Variants in SLC6A18 observed in about 807,000 individuals in gnomAD.
The protein encoded by SLC6A18 is inactive sodium-dependent neutral amino acid transporter B(0)AT3.
A neutral mutation model predicts 62.9 loss-of-function variants in SLC6A18; 58 were observed. That is an observed-to-expected ratio of 0.92 (90% CI 0.75 to 1.15). The LOEUF is 1.15. Ranked by LOEUF, SLC6A18 falls within the 50% of genes most tolerant of loss-of-function variation. The pLI is 0.00. For synonymous variants in SLC6A18, 382 were observed against 365.8 expected, an observed-to-expected ratio of 1.04 and a Z score of -0.51; for missense variants, 793 against 836.6, an observed-to-expected ratio of 0.95 and a Z score of 0.64.
chr5:1,230,000 T>C, intron 1 of SLC6A18, among the ~76,000 whole-genome samples: 1 of 63,176 alleles, frequency 1.6e-5, no homozygotes, highest in Admixed American at 1.8e-4. Context: ...GCTATCATGG[T>C]GCAGGCTGGA....
chr5:1,234,794 A>G (rs1242668921), intron 3 of SLC6A18, among the ~76,000 whole-genome samples: 1 of 152,136 alleles, frequency 6.6e-6, no homozygotes, highest in Non-Finnish European at 1.5e-5. Context: ...TTAGAAGGAG[A>G]CCTAGAAGAA....
intron 1 of SLC6A18, among the ~76,000 whole-genome samples, chr5:1,230,849 A>C (rs569102301): frequency 3.9e-5 from 6 of 152,254 alleles, no homozygotes; most frequent in African/African-American, 1.4e-4. Flanking sequence ...GCAGGTGGGG[A>C]GGAGTCAACA....
chr5:1,243,900 T>A lies in SLC6A18; in HGVS notation c.1336+141T>A, dbSNP rs982225950. The A allele has an allele frequency of 5.6e-6, 5 of 890,344 alleles. No homozygotes were observed. The highest frequency in any genetic ancestry group is 5.1e-5 in the African/African-American group (3 of 59,176). The allele number at this position is 890,344 out of a possible 1,614,324, so 55.2% of individuals were successfully genotyped here. A position where few individuals can be genotyped will look rare whatever the true frequency, so the allele number is the denominator to read the frequency against. On this transcript the variant is annotated intron_variant, in intron 9 of 11. Coordinates refer to ENST00000324642, the MANE Select transcript of SLC6A18 (RefSeq NM_182632.3). This position sits in a 1 kb window ranked among gnomAD's most constrained non-coding sequence, Gnocchi z 6.5. The stretch of plus-strand genomic sequence containing the variant: ...TCAGGGAAAGGCTGAGCCAGGCTAC[T>A]CCTTGCTGACAGCCATCAACGGAGA...
intron 3 of SLC6A18, among the ~76,000 whole-genome samples, chr5:1,234,030 C>A (rs954922223): frequency 6.6e-6 from 1 of 152,074 alleles, no homozygotes; most frequent in South Asian, 2.1e-4. Flanking sequence ...CGTGAGCCAC[C>A]GCGCCCGGCC....
intron 1 of SLC6A18, 94 bp from the exon 2 acceptor site, chr5:1,232,125 C>T (rs7379178): frequency 0.42 from 477,430 of 1,143,148 alleles, 101,548 homozygotes; most frequent in Admixed American, 0.48. Context: ...GTCCCGTCTG[C>T]CCCTTGAAGA....
rs750090807 is a variant in SLC6A18, at chr5:1,232,328, G to A, written c.270G>A (p.Trp90Ter). 3.1e-6 allele frequency: 5 copies of A among 1,611,738 alleles called. No individual in the cohort carries two copies. The Admixed American group carries it at 8.3e-5, about 27-fold the overall frequency. The change falls in exon 2 of 12, where the codon TGG (tryptophan) becomes TGA (stop). Residue 90 changes from tryptophan to a stop codon, truncating the protein, a stop_gained. Coordinates refer to ENST00000324642, the MANE Select transcript of SLC6A18 (RefSeq NM_182632.3). LOFTEE classifies it high-confidence loss of function. ...TGCGGAAGGGCAGCGTCGGCGTGTGGACGGCCATCTCCCCGTACCTCAGTG... is the reference window on the plus strand; with the variant it reads ...TGCGGAAGGGCAGCGTCGGCGTGTGAACGGCCATCTCCCCGTACCTCAGTG... ...QRLRKGSVGV[W>*]TAISPYLSGV...
chr5:1,227,737 G>C (rs1746620197), intron 1 of SLC6A18, among the ~76,000 whole-genome samples: 2 of 152,240 alleles, frequency 1.3e-5, no homozygotes, highest in Admixed American at 1.3e-4. Context: ...AAGATTTACA[G>C]TGATTTTCTC....
intron 1 of SLC6A18, among the ~76,000 whole-genome samples, chr5:1,229,248 C>T (rs140617923): frequency 0.04 from 6,016 of 151,570 alleles, 179 homozygotes; most frequent in Non-Finnish European, 0.056. Flanking sequence ...TCTCCTCTCC[C>T]CTAAACACAG....
chr5:1,239,456 A>ATTCT lies in SLC6A18; in HGVS notation c.740_743dup (p.Gln249SerfsTer37). The ATTCT allele has an allele frequency of 6.2e-7, 1 of 1,613,668 alleles. No individual in the cohort carries two copies. The highest frequency in any genetic ancestry group is 8.5e-7 in the Non-Finnish European group (1 of 1,179,630). ...TCTCCCTGACTCATTCCAGATGCAC[A>ATTCT]TTCTCCAGAACCCCCGGGTGTGGCT... is the stretch of plus-strand genomic sequence containing the variant. On this transcript the variant is annotated frameshift_variant, in exon 6 of 12. Coordinates refer to ENST00000324642, the MANE Select transcript of SLC6A18 (RefSeq NM_182632.3). LOFTEE classifies it high-confidence loss of function.
chr5:1,225,450 G>T lies in SLC6A18; in HGVS notation c.-28G>T, dbSNP rs370752348. ...GGGTGTGGAGTGAGGCACCACCCTT[G>T]CCCTGAAGCCTGGGGCACTCAGTCA... On this transcript the variant is annotated 5_prime_UTR_variant, in exon 1 of 12. Transcript: ENST00000324642. The T allele has an allele frequency of 5.0e-6, 8 of 1,597,766 alleles. No homozygotes were observed. The African/African-American group carries it at 1.1e-4, about 21-fold the overall frequency.
At chr5:1,238,881 C>T (rs1365436597) in intron 5 of SLC6A18, among the ~76,000 whole-genome samples, 1 of 152,210 alleles carries the variant, frequency 6.6e-6, no homozygotes, top group Non-Finnish European at 1.5e-5. Context: ...AGCGCCTGCT[C>T]CAGGAGCCTG....
chr5:1,233,822 A>G (rs184695735), intron 3 of SLC6A18, among the ~76,000 whole-genome samples: 498 of 150,870 alleles, frequency 3.3e-3, no homozygotes, highest in Middle Eastern at 6.8e-3. Flanking sequence ...GCTCACTGCA[A>G]GCTCTGCCTC....
Position 1,243,647 on chromosome 5 carries a change from G to T in SLC6A18, c.1224G>T (p.Gly408=). 6.2e-7 allele frequency: 1 copy of T among 1,614,110 alleles called. No individual in the cohort carries two copies. Among genetic ancestry groups the T allele is most frequent in the Non-Finnish European group, 8.5e-7 (1 of 1,180,012 alleles). The change falls in exon 9 of 12, where the codon GGG becomes GGT. Residue 408 remains glycine (G), a synonymous_variant. Coordinates refer to ENST00000324642, the MANE Select transcript of SLC6A18 (RefSeq NM_182632.3). This position sits in a 1 kb window ranked among gnomAD's most constrained non-coding sequence, Gnocchi z 6.5. ...GAPVWAMLFF[G]MLFTLGLSTM... is the part of the protein sequence containing the mutation. Reference sequence around the variant, plus strand: ...CTGTGTGGGCCATGCTCTTCTTCGGGATGCTGTTCACCTTGGGGCTATCGA... The same window carrying T: ...CTGTGTGGGCCATGCTCTTCTTCGGTATGCTGTTCACCTTGGGGCTATCGA...
chr5:1,245,149 G>A (rs770056995), intron 11 of SLC6A18, among the ~76,000 whole-genome samples: 12 of 152,168 alleles, frequency 7.9e-5, no homozygotes, highest in Non-Finnish European at 1.5e-4. Context: ...GCCGGACAAC[G>A]GCCCATTCCT....
chr5:1,242,897 G>A (rs780439183), intron 8 of SLC6A18, 34 bp downstream of exon 8: 2 of 1,560,760 alleles, frequency 1.3e-6, no homozygotes, highest in African/African-American at 1.4e-5. Context: ...GCCAGGCAGG[G>A]CCGTCCACAG....
rs751488441 is a variant in SLC6A18 at position 1,245,948 on chromosome 5, C to T, written c.1757C>T (p.Ala586Val). The change falls in exon 12 of 12, where the codon GCG becomes GTG. Residue 586 changes from alanine (A) to valine (V), a missense_variant. By Grantham distance (64) the Ala-to-Val change is moderately conservative. Coordinates refer to ENST00000324642, the MANE Select transcript of SLC6A18 (RefSeq NM_182632.3). ...LLPVLWVPVA[A>V]LAQLLTRRRR... is the part of the protein sequence containing the mutation. The stretch of plus-strand genomic sequence containing the variant: ...CCCGTGCTGTGGGTCCCGGTGGCCG[C>T]GCTTGCTCAGCTGCTCACCCGGCGG... 14 of 1,602,732 alleles carry T rather than the reference C, an allele frequency of 8.7e-6. No individual in the cohort carries two copies. In the South Asian group the frequency reaches 1.5e-4, roughly 18 times the overall value.
rs781689143 is a variant in SLC6A18 at position 1,225,541 on chromosome 5, GACA to G, written c.69_71del (p.Asn23del). 5 of 1,613,422 alleles carry G rather than the reference GACA, an allele frequency of 3.1e-6. No individual in the cohort carries two copies. In the South Asian group the frequency reaches 3.3e-5, roughly 11 times the overall value. On this transcript the variant is annotated inframe_deletion, in exon 1 of 12. Coordinates refer to ENST00000324642, the MANE Select transcript of SLC6A18 (RefSeq NM_182632.3). Reference sequence around the variant, plus strand: ...CCTCGGGGATGAGAGGCCCAAGTGGGACAACAAGGCCCAGTACCTCCTGAGCTG... The same window carrying G: ...CCTCGGGGATGAGAGGCCCAAGTGGGACAAGGCCCAGTACCTCCTGAGCTG...
chr5:1,240,547 G>A lies in SLC6A18; in HGVS notation c.862G>A (p.Asp288Asn), dbSNP rs774004237. Reference protein sequence around the residue: ...YNSPRNDCQKDAVVIALVNRM... With the variant: ...YNSPRNDCQKNAVVIALVNRM... ...TGTGCCCAGGAATGACTGCCAGAAG[G>A]ATGCGGTGGTCATCGCCCTGGTCAA... is the stretch of plus-strand genomic sequence containing the variant. The change falls in exon 7 of 12, where the codon GAT (aspartate) becomes AAT (asparagine). Residue 288 changes from aspartate to asparagine, a missense_variant. Transcript: ENST00000324642. 5.0e-6 allele frequency: 8 copies of A among 1,614,158 alleles called. No homozygotes were observed. In the East Asian group the frequency reaches 8.9e-5, roughly 18 times the overall value.
intron 1 of SLC6A18, among the ~76,000 whole-genome samples, chr5:1,226,815 G>C (rs1746581966): frequency 6.6e-6 from 1 of 152,176 alleles, no homozygotes; most frequent in Non-Finnish European, 1.5e-5. Context: ...GGCTCGATCT[G>C]CTAAGAGTCA....
Sources: gnomAD v4.1 joint callset for allele counts (sites outside exome capture counted in the v4.1 genomes callset) on GRCh38, gnomAD v4.1.1 for gene constraint, Gnocchi (gnomAD v3.1) non-coding constraint, MANE v1.5 for transcripts, NCBI Gene and HGNC (gene_info 2026-07-23, HGNC 2026-07-21) for gene names.